Variants in TTBK1 observed in about 807,000 individuals in gnomAD.
The protein encoded by TTBK1 is tau-tubulin kinase 1.
A neutral mutation model predicts 108.5 loss-of-function variants in TTBK1; 34 were observed. The observed-to-expected ratio is 0.31, with a 90% CI of 0.24 to 0.42. TTBK1 has a LOEUF of 0.42. TTBK1 is among the 10% of genes least tolerant of loss of function. The pLI, the probability that TTBK1 is intolerant of heterozygous loss-of-function variation, is 1.00. For missense variants in TTBK1, 1,539 were observed against 1,826.0 expected, an observed-to-expected ratio of 0.84 and a Z score of 2.86; for synonymous variants, 809 against 795.1, an observed-to-expected ratio of 1.02 and a Z score of -0.29.
intron 6 of TTBK1, 89 bp downstream of exon 6, chr6:43,254,740 C>A: frequency 8.1e-7 from 1 of 1,239,732 alleles, no homozygotes; most frequent in East Asian, 2.4e-5. Flanking sequence ...TTACAGCTGC[C>A]TAAGCTGGCC....
intron 10 of TTBK1, 43 bp downstream of exon 10, chr6:43,258,009 G>C: frequency 1.3e-6 from 2 of 1,594,918 alleles, no homozygotes; most frequent in African/African-American, 2.7e-5. Flanking sequence ...GCCTGGAGCT[G>C]TTACCTAAGA....
rs576592093 is a variant in TTBK1 at position 43,277,671 on chromosome 6, C to T, written c.1987-5056C>T. Among the ~76,000 whole-genome samples, 5 of 152,356 alleles carry T rather than the reference C, an allele frequency of 3.3e-5. No homozygotes were observed. The East Asian group carries it at 7.7e-4, about 24-fold the overall frequency. ...TACCCCTTCCGCCACCTTCCCCTTC[C>T]CCGGCATTCCTGGGTGTGGGGTGGA... On this transcript the variant is annotated intron_variant, in intron 13 of 14. Transcript: ENST00000259750.
chr6:43,255,997 G>A (rs1041507765), intron 9 of TTBK1, 141 bp downstream of exon 9: 2 of 1,016,476 alleles, frequency 2.0e-6, no homozygotes. Context: ...CTGCACTAAA[G>A]GCATGTATGC....
Position 43,276,330 on chromosome 6 carries a change from C to T in TTBK1, c.1987-6397C>T, listed in dbSNP as rs1462722537. Among the ~76,000 whole-genome samples, 1 of 152,168 alleles carries T rather than the reference C, an allele frequency of 6.6e-6. No individual in the cohort carries two copies. Among genetic ancestry groups the T allele is most frequent in the African/African-American group, 2.4e-5 (1 of 41,446 alleles). ...ACGCTTTTTTTCTTCCTCTCTCTCT[C>T]CGGGGTGCGTCCTCCTTAGTGTACA... On this transcript the variant is annotated intron_variant, in intron 13 of 14. Coordinates refer to ENST00000259750, the MANE Select transcript of TTBK1 (RefSeq NM_032538.3). The surrounding 1 kb of genome is among the most constrained non-coding windows in gnomAD (Gnocchi z 5.4).
In TTBK1 at chr6:43,253,095, G is replaced by T. The variant is rs1777289478; in HGVS notation, c.257-196G>T. On this transcript the variant is annotated intron_variant, in intron 3 of 14. Transcript: ENST00000259750. This position sits in a 1 kb window ranked among gnomAD's most constrained non-coding sequence, Gnocchi z 5.8. ...AAGACAGTGATGGGGCAGGAGGCCG[G>T]GTTGGTGATCAAGGAAGTAATCGAG... is the stretch of plus-strand genomic sequence containing the variant. Among the ~76,000 whole-genome samples the T allele has an allele frequency of 6.6e-6, 1 of 152,130 alleles. No homozygotes were observed.
chr6:43,275,964 G>T (rs533903931), intron 13 of TTBK1, among the ~76,000 whole-genome samples: 1 of 152,078 alleles, frequency 6.6e-6, no homozygotes, highest in East Asian at 1.9e-4. Context: ...CCCTGCCCCC[G>T]GAGAAGCGGG....
chr6:43,254,343 T>G (rs992553622), intron 5 of TTBK1, among the ~76,000 whole-genome samples: 23 of 152,242 alleles, frequency 1.5e-4, no homozygotes, highest in African/African-American at 5.3e-4. Context: ...AGTTTCCTCA[T>G]CTCTAAAATG....
chr6:43,284,630 T>C (rs1446450975), intron 14 of TTBK1, among the ~76,000 whole-genome samples: 1 of 152,248 alleles, frequency 6.6e-6, no homozygotes, highest in African/African-American at 2.4e-5. Context: ...AGCCAAAGGA[T>C]AAAGCCCAGT....
chr6:43,266,966 T>A (rs1777693464), intron 13 of TTBK1, among the ~76,000 whole-genome samples: 1 of 150,234 alleles, frequency 6.7e-6, no homozygotes, highest in African/African-American at 2.5e-5. Flanking sequence ...GAGCAGATGG[T>A]TTGTGCAGGA....
In TTBK1 at chr6:43,246,786, C is replaced by A; in HGVS notation, c.108+18C>A. The stretch of plus-strand genomic sequence containing the variant: ...GGAAGGTGGTGAGTGAGTGACCCGG[C>A]GGGACAGAGGGAGGGTAGCGGGGAG... On this transcript the variant is annotated intron_variant, in intron 2 of 14. Coordinates refer to ENST00000259750, the MANE Select transcript of TTBK1 (RefSeq NM_032538.3). 1.9e-6 allele frequency: 3 copies of A among 1,593,740 alleles called. No individual in the cohort carries two copies. Among genetic ancestry groups the A allele is most frequent in the South Asian group, 1.1e-5 (1 of 88,816 alleles).
intron 13 of TTBK1, chr6:43,270,068 T>C: frequency 7.1e-7 from 1 of 1,413,000 alleles, no homozygotes; most frequent in Non-Finnish European, 9.2e-7. Context: ...TCCCACCCCA[T>C]CATGCAATAC....
In TTBK1 at chr6:43,259,589, G is replaced by T. The variant is rs778738848; in HGVS notation, c.1307G>T (p.Arg436Leu). 6.2e-7 allele frequency: 1 copy of T among 1,610,800 alleles called. No individual in the cohort carries two copies. Among genetic ancestry groups the T allele is most frequent in the Non-Finnish European group, 8.5e-7 (1 of 1,178,690 alleles). ...ATGGGGGTCCCCAGCTCCCCAGTGC[G>T]TGCCCCCCCAGACTCCCCCACAACC... ...RGMGVPSSPV[R>L]APPDSPTTPV... The change falls in exon 12 of 15, where the codon CGT becomes CTT. Residue 436 changes from arginine (R) to leucine (L), a missense_variant. Physicochemically the swap from Arg to Leu is moderately radical, Grantham distance 102 (BLOSUM62 -2). Around this residue, in one of 5 missense-constraint regions of TTBK1, gnomAD observed 277 missense variants for 332.4 expected, o/e 0.83. Transcript: ENST00000259750. This position sits in a 1 kb window ranked among gnomAD's most constrained non-coding sequence, Gnocchi z 6.7.
chr6:43,259,425 G>T lies in TTBK1; in HGVS notation c.1249-106G>T, dbSNP rs1040070954. 10 of 1,368,412 alleles carry T rather than the reference G, an allele frequency of 7.3e-6. No individual in the cohort carries two copies. In the South Asian group the frequency reaches 8.8e-5, roughly 12 times the overall value. 84.8% of individuals were successfully genotyped at this position (1,368,412 alleles called of 1,614,324 possible). A position where few individuals can be genotyped will look rare whatever the true frequency, so the allele number is the denominator to read the frequency against. ...CCCGGTCCCTCCCCGCACTAGCCTC[G>T]CTGTGTCTTCCATCATCATCATCCT... On this transcript the variant is annotated intron_variant, in intron 11 of 14. Coordinates refer to ENST00000259750, the MANE Select transcript of TTBK1 (RefSeq NM_032538.3). This position sits in a 1 kb window ranked among gnomAD's most constrained non-coding sequence, Gnocchi z 6.7.
In TTBK1 at chr6:43,243,523, C is replaced by T. The variant is rs926037614; in HGVS notation, c.-240C>T. 8.6e-5 allele frequency among the ~76,000 whole-genome samples: 13 copies of T among 151,968 alleles called. No homozygotes were observed. Among genetic ancestry groups the T allele is most frequent in the African/African-American group, 2.9e-4 (12 of 41,428 alleles). ...GCTCTGCCGCTGCCGCCGCCGTCGCCCAAGGAGGATCGGGGCCGGGCCGGG... is the reference window on the plus strand; with the variant it reads ...GCTCTGCCGCTGCCGCCGCCGTCGCTCAAGGAGGATCGGGGCCGGGCCGGG... On this transcript the variant is annotated 5_prime_UTR_variant, in exon 1 of 15. Transcript: ENST00000259750. The surrounding 1 kb of genome is among the most constrained non-coding windows in gnomAD (Gnocchi z 5.5).
At chr6:43,268,378 A>G (rs1777736926) in intron 13 of TTBK1, among the ~76,000 whole-genome samples, 1 of 152,188 alleles carries the variant, frequency 6.6e-6, no homozygotes, top group Non-Finnish European at 1.5e-5. Context: ...TGAAACGGAA[A>G]GCAAGGTGGG....
At chr6:43,261,298 C>T (rs1777534297) in intron 12 of TTBK1, among the ~76,000 whole-genome samples, 1 of 152,102 alleles carries the variant, frequency 6.6e-6, no homozygotes, top group Admixed American at 6.5e-5. Context: ...AGTCAGCCCC[C>T]TGCCCACAGC....
Position 43,259,692 on chromosome 6 carries a change from G to C in TTBK1, c.1410G>C (p.Glu470Asp). The C allele has an allele frequency of 6.3e-7, 1 of 1,591,852 alleles. No individual in the cohort carries two copies. The highest frequency in any genetic ancestry group is 1.3e-5 in the African/African-American group (1 of 74,526). ...ERLSTADGRV[E>D]LPERRSRMDL... is the part of the protein sequence containing the mutation. ...TGTCCACGGCGGACGGGCGAGTGGA[G>C]CTACCTGAGAGGAGGTGGGTCTGGG... is the stretch of plus-strand genomic sequence containing the variant. The change falls in exon 12 of 15, where the codon GAG becomes GAC. Residue 470 changes from glutamate to aspartate, a missense_variant. Around this residue, in one of 5 missense-constraint regions of TTBK1, gnomAD observed 277 missense variants for 332.4 expected, o/e 0.83. Transcript: ENST00000259750. This position sits in a 1 kb window ranked among gnomAD's most constrained non-coding sequence, Gnocchi z 6.7.
chr6:43,270,104 G>A, intron 13 of TTBK1: 2 of 1,396,738 alleles, frequency 1.4e-6, no homozygotes, highest in Non-Finnish European at 1.8e-6. Context: ...TTGGCCCAAG[G>A]TACTGTAATA....
At chr6:43,255,942 C>T (rs1321260039) in intron 9 of TTBK1, 86 bp downstream of exon 9, 2 of 1,543,746 alleles carry the variant, frequency 1.3e-6, no homozygotes, top group Non-Finnish European at 8.9e-7. Context: ...TGCTGAGGCT[C>T]CACAGCCCTG....
Sources: gnomAD v4.1 joint callset for allele counts (sites outside exome capture counted in the v4.1 genomes callset) on GRCh38, gnomAD v4.1.1 for gene constraint, gnomAD v4.1.1 regional missense constraint, Gnocchi (gnomAD v3.1) non-coding constraint, MANE v1.5 for transcripts, NCBI Gene and HGNC (gene_info 2026-07-23, HGNC 2026-07-21) for gene names.